ANKS3: variants seen among roughly 807,000 people sequenced by gnomAD.
The protein encoded by ANKS3 is ankyrin repeat and sterile alpha motif domain containing 3.
In ANKS3, 62 loss-of-function variants were observed where a neutral mutation model predicts 80.7. The observed-to-expected ratio is 0.77, with a 90% CI of 0.63 to 0.95. ANKS3 has a LOEUF of 0.95. Among genes scored for constraint, ANKS3 ranks in the 40% least tolerant of loss-of-function variants. The pLI, the probability that ANKS3 is intolerant of heterozygous loss-of-function variation, is 0.00. For synonymous variants in ANKS3, 489 were observed against 355.3 expected (o/e 1.38, Z -4.23); for missense variants, 1,150 against 883.6 (o/e 1.30, Z -3.82).
At chr16:4,706,434 A>C (rs1238803207) in intron 7 of ANKS3, among the ~76,000 whole-genome samples, 2 of 151,726 alleles carry the variant, frequency 1.3e-5, no homozygotes, top group Non-Finnish European at 2.9e-5. Context: ...ACGGGGTTTC[A>C]CCATGTTGGC....
chr16:4,722,087 C>A lies in ANKS3; in HGVS notation c.573+2663G>T, dbSNP rs140897864. Among the ~76,000 whole-genome samples, 371 of 151,438 alleles carry A rather than the reference C, an allele frequency of 2.4e-3. 11 individuals carry two copies. The highest frequency in any genetic ancestry group is 4.9e-3 in the Admixed American group (74 of 15,082). On this transcript the variant is annotated intron_variant, in intron 6 of 17. Transcript: ENST00000304283. ...GGGGAGGGTGCCAAGGAGACGCAGGCAGGGTGGGGGACAGGCCTGCGGTGC... is the reference window on the plus strand; with the variant it reads ...GGGGAGGGTGCCAAGGAGACGCAGGAAGGGTGGGGGACAGGCCTGCGGTGC...
chr16:4,720,333 G>C (rs1025162312), intron 6 of ANKS3, among the ~76,000 whole-genome samples: 7 of 148,300 alleles, frequency 4.7e-5, no homozygotes, highest in African/African-American at 1.2e-4. Context: ...ATGGTGGCGA[G>C]TGCCTACAGT....
In ANKS3 at chr16:4,717,889, G is replaced by A. The variant is rs60938580; in HGVS notation, c.574-3703C>T. On this transcript the variant is annotated intron_variant, in intron 6 of 17. Transcript: ENST00000304283. ...CGGCTCACTGCAACCTCTGCCTTCCGGGTTCAAGTGATTCTCCCGCCTCAG... is the reference window on the plus strand; with the variant it reads ...CGGCTCACTGCAACCTCTGCCTTCCAGGTTCAAGTGATTCTCCCGCCTCAG... 0.011 allele frequency among the ~76,000 whole-genome samples: 1,629 copies of A among 151,686 alleles called. 123 individuals carry two copies. In the East Asian group the frequency reaches 0.21, roughly 20 times the overall value.
At chr16:4,705,590 A>C (rs2080141535) in intron 7 of ANKS3, among the ~76,000 whole-genome samples, 1 of 151,660 alleles carries the variant, frequency 6.6e-6, no homozygotes, top group African/African-American at 2.4e-5. Flanking sequence ...TCACCCTTCC[A>C]AGTAGCTGCG....
At chr16:4,713,591 A>G (rs1469757689) in intron 7 of ANKS3, among the ~76,000 whole-genome samples, 2 of 152,234 alleles carry the variant, frequency 1.3e-5, no homozygotes, top group African/African-American at 4.8e-5. Context: ...CCAAAAGTAC[A>G]TTGGAACAAG....
rs199704124 is a variant in ANKS3 at position 4,705,992 on chromosome 16, G to C, written c.710-739C>G. ...CCCAGGCTGGAACTTCCGCCTCCTGGGTTCAAGCAATTCTCCTATCTCAGC... is the reference window on the plus strand; with the variant it reads ...CCCAGGCTGGAACTTCCGCCTCCTGCGTTCAAGCAATTCTCCTATCTCAGC... On this transcript the variant is annotated intron_variant, in intron 7 of 17. Coordinates refer to ENST00000304283, the MANE Select transcript of ANKS3 (RefSeq NM_133450.4). 1.6e-4 allele frequency among the ~76,000 whole-genome samples: 24 copies of C among 151,856 alleles called. No homozygotes were observed. In the East Asian group the frequency reaches 4.1e-3, roughly 26 times the overall value.
chr16:4,726,975 T>A lies in ANKS3; in HGVS notation c.369+4A>T. 1 of 1,613,952 alleles carries A rather than the reference T, an allele frequency of 6.2e-7. No homozygotes were observed. Among genetic ancestry groups the A allele is most frequent in the Non-Finnish European group, 8.5e-7 (1 of 1,180,030 alleles). ...TTCTGGGCCTGAGTTCCCTCGTAGC[T>A]CACCTGGAGAAGAAAGTAGGCGATG... On this transcript the variant is annotated splice_donor_region_variant and intron_variant, in intron 4 of 17. Coordinates refer to ENST00000304283, the MANE Select transcript of ANKS3 (RefSeq NM_133450.4).
intron 14 of ANKS3, 179 bp from the exon 15 acceptor site, chr16:4,698,241 C>G: frequency 3.5e-6 from 4 of 1,133,524 alleles, no homozygotes; most frequent in Non-Finnish European, 4.9e-6. Flanking sequence ...GTGCAGATTC[C>G]CGGACCCAAC....
At chr16:4,725,263 C>T (rs922613345) in intron 5 of ANKS3, 2 of 155,168 alleles carry the variant, frequency 1.3e-5, no homozygotes, top group African/African-American at 4.8e-5. Context: ...GCTATCTTTG[C>T]CACGCTTAGC....
intron 6 of ANKS3, chr16:4,717,658 A>G (rs1321691865): frequency 1.3e-5 from 2 of 152,114 alleles, no homozygotes; most frequent in African/African-American, 4.8e-5. Context: ...AACTCGTTAT[A>G]TATTTTTGGT....
intron 7 of ANKS3, among the ~76,000 whole-genome samples, chr16:4,713,033 G>A (rs2080578688): frequency 6.6e-6 from 1 of 152,174 alleles, no homozygotes; most frequent in Admixed American, 6.5e-5. Flanking sequence ...ACTTTGGGAG[G>A]CTGAGATGGG....
rs187743929 is a variant in ANKS3 at position 4,697,372 on chromosome 16, C to G, written c.1855G>C (p.Glu619Gln). 3.7e-6 allele frequency: 6 copies of G among 1,610,362 alleles called. No individual in the cohort carries two copies. In the African/African-American group the frequency reaches 5.3e-5, roughly 14 times the overall value. The change falls in exon 16 of 18, where the codon GAG becomes CAG. Residue 619 changes from glutamate to glutamine, a missense_variant. Coordinates refer to ENST00000304283, the MANE Select transcript of ANKS3 (RefSeq NM_133450.4). ...CGGTCCTCCAGGGCTCCCGAGAGCT[C>G]GGGGAGGCTCATGGCCTGCAGGGAC... is the stretch of plus-strand genomic sequence containing the variant. ...QASLQAMSLP[E>Q]LSGALEDRVR...
intron 16 of ANKS3, 93 bp downstream of exon 16, chr16:4,697,238 TAG>T (rs368959835): frequency 3.9e-6 from 6 of 1,539,466 alleles, no homozygotes; most frequent in Non-Finnish European, 5.3e-6. Context: ...AGCCTTGGGG[TAG>T]AGAGACACAA....
intron 3 of ANKS3, chr16:4,728,066 G>C (rs1456469434): frequency 1.3e-5 from 2 of 152,092 alleles, no homozygotes; most frequent in Non-Finnish European, 2.9e-5. Flanking sequence ...GTTTTTTTGA[G>C]ACAGAGTCTC....
At chr16:4,702,025 G>T in intron 9 of ANKS3, 77 bp downstream of exon 9, 1 of 1,467,864 alleles carries the variant, frequency 6.8e-7, no homozygotes, top group Non-Finnish European at 9.0e-7. Context: ...CCAGGCCCAG[G>T]GGATAAGTGG....
In ANKS3 at chr16:4,697,045, T is replaced by A. The variant is rs1398698731; in HGVS notation, c.1954A>T (p.Lys652Ter). Reference sequence around the variant, plus strand: ...CCCGCAGGCTAGGTCTCCCGCCACTTCTTCCCGTTCAGCACCTGCAGCTTC... The same window carrying A: ...CCCGCAGGCTAGGTCTCCCGCCACTACTTCCCGTTCAGCACCTGCAGCTTC... ...LEKLQVLNGKKWRET is the reference protein window; with the variant it reads ...LEKLQVLNGK Residue 652 changes from lysine to a stop codon, truncating the protein, a stop_gained, in exon 17 of 18, where the codon AAG (lysine) becomes TAG (stop). Transcript: ENST00000304283. LOFTEE classifies it high-confidence loss of function. 1 of 1,613,830 alleles carries A rather than the reference T, an allele frequency of 6.2e-7. No homozygotes were observed.
intron 3 of ANKS3, among the ~76,000 whole-genome samples, chr16:4,728,295 TTAG>T (rs2081458278): frequency 6.6e-6 from 1 of 152,172 alleles, no homozygotes; most frequent in Admixed American, 6.5e-5. Flanking sequence ...TCCACCCGCC[TTAG>T]CCTCCCAAAG....
At chr16:4,701,960 A>T in intron 9 of ANKS3, 142 bp downstream of exon 9, 1 of 1,062,188 alleles carries the variant, frequency 9.4e-7, no homozygotes, top group Non-Finnish European at 1.3e-6. Flanking sequence ...CACAAGAACC[A>T]GGGCCGTCCA....
chr16:4,704,478 C>A (rs946250859), intron 8 of ANKS3, among the ~76,000 whole-genome samples: 2 of 152,174 alleles, frequency 1.3e-5, no homozygotes, highest in Non-Finnish European at 2.9e-5. Context: ...AGAGAGTAGG[C>A]ACCAAACCCA....
Sources: allele counts gnomAD v4.1 joint callset (sites outside exome capture counted in the v4.1 genomes callset), GRCh38; gene constraint gnomAD v4.1.1; transcripts MANE v1.5; gene names NCBI Gene and HGNC (gene_info 2026-07-23, HGNC 2026-07-21).